The following AFG1L variants were observed in gnomAD, a reference collection of about 807,000 sequenced individuals.
The protein encoded by AFG1L is AFG1 like ATPase, also known as AFG1-like ATPase.
A neutral mutation model predicts 62.2 loss-of-function variants in AFG1L; 53 were observed. The ratio of observed to expected loss-of-function variants is 0.85; its 90% CI spans 0.68 to 1.07. The LOEUF (loss-of-function observed/expected upper bound fraction) is 1.07. Among genes scored for constraint, AFG1L ranks in the 50% least tolerant of loss-of-function variants. The pLI is 0.00. For missense variants in AFG1L, 555 were observed against 590.5 expected (o/e 0.94, Z 0.62); for synonymous variants, 228 against 210.3 (o/e 1.08, Z -0.73).
chr6:108,503,059 G>A (rs768415951), intron 10 of AFG1L, among the ~76,000 whole-genome samples: 1 of 152,130 alleles, frequency 6.6e-6, no homozygotes, highest in Non-Finnish European at 1.5e-5. Context: ...TCTAATTCTA[G>A]TTCTCTTGCC....
At chr6:108,410,571 G>A (rs1782054327) in intron 7 of AFG1L, among the ~76,000 whole-genome samples, 2 of 152,020 alleles carry the variant, frequency 1.3e-5, no homozygotes, top group Non-Finnish European at 2.9e-5. Flanking sequence ...TGATAATTTA[G>A]GATTTATAGT....
intron 6 of AFG1L, among the ~76,000 whole-genome samples, chr6:108,379,018 T>TTTA (rs1179248087): frequency 1.4e-5 from 2 of 147,988 alleles, no homozygotes; most frequent in African/African-American, 5.0e-5. Flanking sequence ...TTTTTTTTTT[T>TTTA]TTGGAGATAG....
Position 108,295,054 on chromosome 6 carries a change from C to G in AFG1L, c.-26C>G, listed in dbSNP as rs765429254. ...TTCTGGGTTCCAATAAAGTTTTCCT[C>G]TTCCTCTCCTCGTACGGAGTTCAAG... is the stretch of plus-strand genomic sequence containing the variant. On this transcript the variant is annotated 5_prime_UTR_variant, in exon 1 of 13. Transcript: ENST00000368977. 5 of 1,608,662 alleles carry G rather than the reference C, an allele frequency of 3.1e-6. No individual in the cohort carries two copies. In the South Asian group the frequency reaches 5.5e-5, roughly 18 times the overall value.
At chr6:108,362,000 A>G (rs1005182545) in intron 5 of AFG1L, among the ~76,000 whole-genome samples, 2 of 152,244 alleles carry the variant, frequency 1.3e-5, no homozygotes, top group African/African-American at 4.8e-5. Flanking sequence ...GTGTCTGAGA[A>G]TGAATGAATA....
chr6:108,398,442 A>G (rs1386190742), intron 6 of AFG1L, among the ~76,000 whole-genome samples: 1 of 152,122 alleles, frequency 6.6e-6, no homozygotes, highest in Admixed American at 6.6e-5. Flanking sequence ...TTTGCTGTGC[A>G]GAAGCTTTTT....
At chr6:108,390,632 C>T (rs1781011132) in intron 6 of AFG1L, among the ~76,000 whole-genome samples, 1 of 152,224 alleles carries the variant, frequency 6.6e-6, no homozygotes, top group Admixed American at 6.5e-5. Flanking sequence ...TGGAGGTCCA[C>T]TCCAGACGCT....
rs769881096 is a variant in AFG1L, at chr6:108,355,553, C to A, written c.416-101C>A. 2.2e-4 allele frequency: 124 copies of A among 555,216 alleles called. 1 individual carries two copies. The highest frequency in any genetic ancestry group is 3.0e-4 in the Non-Finnish European group (102 of 336,004). The allele number at this position is 555,216 out of a possible 1,614,324, so 34.4% of individuals were successfully genotyped here. On this transcript the variant is annotated intron_variant, in intron 3 of 12. Transcript: ENST00000368977. ...AGTGACATAGTCTTCAGCTTCCTAG[C>A]GGAAGAGTATGGTTTCATTATCTCA...
chr6:108,522,062 G>T, intron 12 of AFG1L: 2 of 309,340 alleles, frequency 6.5e-6, no homozygotes, highest in South Asian at 4.6e-5. Flanking sequence ...TACACTTTTG[G>T]AGAAAGTTTT....
chr6:108,400,731 A>T (rs1339422453), intron 6 of AFG1L, among the ~76,000 whole-genome samples: 3 of 125,372 alleles, frequency 2.4e-5, no homozygotes, highest in Non-Finnish European at 4.8e-5. Context: ...TATTATATAT[A>T]ATATATATTA....
intron 8 of AFG1L, among the ~76,000 whole-genome samples, chr6:108,457,097 C>G (rs1203965090): frequency 6.6e-6 from 1 of 152,114 alleles, no homozygotes; most frequent in African/African-American, 2.4e-5. Flanking sequence ...CATATTACTT[C>G]TCAGTCTTTT....
intron 7 of AFG1L, among the ~76,000 whole-genome samples, chr6:108,424,546 G>T (rs1443869167): frequency 6.6e-6 from 1 of 151,856 alleles, no homozygotes; most frequent in African/African-American, 2.4e-5. Flanking sequence ...CCTGCCATCA[G>T]GGAAATTAGG....
chr6:108,311,398 C>T (rs1261306846), intron 1 of AFG1L, among the ~76,000 whole-genome samples: 1 of 152,170 alleles, frequency 6.6e-6, no homozygotes, highest in Non-Finnish European at 1.5e-5. Context: ...TAGCTTTGGC[C>T]CTGTGATCTT....
At chr6:108,515,919 T>G (rs1389464295) in intron 11 of AFG1L, among the ~76,000 whole-genome samples, 1 of 152,246 alleles carries the variant, frequency 6.6e-6, no homozygotes, top group Non-Finnish European at 1.5e-5. Flanking sequence ...GATAAGTTCC[T>G]GGACACATAC....
chr6:108,435,403 AG>A (rs1406297907), intron 7 of AFG1L, among the ~76,000 whole-genome samples: 1 of 152,136 alleles, frequency 6.6e-6, no homozygotes, highest in African/African-American at 2.4e-5. Context: ...GTCTTACAAC[AG>A]GGCTGGGCAC....
rs557210182 is a variant in AFG1L at position 108,433,940 on chromosome 6, G to A, written c.808-13274G>A. ...ACAGAAATGTAACTTTAGAAGAAGAGACTATTTCTTTTAAAGGGTTACAGC... is the reference window on the plus strand; with the variant it reads ...ACAGAAATGTAACTTTAGAAGAAGAAACTATTTCTTTTAAAGGGTTACAGC... On this transcript the variant is annotated intron_variant, in intron 7 of 12. Coordinates refer to ENST00000368977, the MANE Select transcript of AFG1L (RefSeq NM_145315.5). Among the ~76,000 whole-genome samples, 4 of 152,286 alleles carry A rather than the reference G, an allele frequency of 2.6e-5. No homozygotes were observed. The South Asian group carries it at 8.3e-4, about 32-fold the overall frequency.
intron 1 of AFG1L, among the ~76,000 whole-genome samples, chr6:108,320,717 A>G (rs1326243777): frequency 6.6e-6 from 1 of 151,854 alleles, no homozygotes; most frequent in Admixed American, 6.6e-5. Context: ...GTTTTTCTTT[A>G]TTTCCACGTT....
chr6:108,318,495 A>G (rs1777689985), intron 1 of AFG1L: 1 of 162,852 alleles, frequency 6.1e-6, no homozygotes, highest in East Asian at 1.8e-4. Context: ...AGTAATTACG[A>G]CTATACACAA....
intron 1 of AFG1L, among the ~76,000 whole-genome samples, chr6:108,303,871 T>G (rs573671217): frequency 6.6e-6 from 1 of 152,254 alleles, no homozygotes; most frequent in East Asian, 1.9e-4. Context: ...GATGTCTTTA[T>G]TAAATAGTAT....
chr6:108,398,100 C>T (rs939470510), intron 6 of AFG1L, among the ~76,000 whole-genome samples: 28 of 152,112 alleles, frequency 1.8e-4, no homozygotes, highest in Admixed American at 1.8e-3. Flanking sequence ...CTTTTCTCTG[C>T]GTCCTCAGCA....
Sources: allele counts gnomAD v4.1 joint callset (sites outside exome capture counted in the v4.1 genomes callset), GRCh38; gene constraint gnomAD v4.1.1; transcripts MANE v1.5; gene names NCBI Gene and HGNC (gene_info 2026-07-23, HGNC 2026-07-21).